The following SEMA6D variants were observed in gnomAD, a reference collection of about 807,000 sequenced individuals.
SEMA6D encodes the protein semaphorin 6D, also known as semaphorin-6D.
A neutral mutation model predicts 106.6 loss-of-function variants in SEMA6D; 35 were observed. The observed-to-expected ratio is 0.33, with a 90% CI of 0.25 to 0.44. The LOEUF is 0.44. SEMA6D is among the 20% of genes least tolerant of loss of function. The pLI is 1.00. For synonymous variants in SEMA6D, 499 were observed against 487.7 expected, an observed-to-expected ratio of 1.02 and a Z score of -0.31; for missense variants, 1,185 against 1,345.9, an observed-to-expected ratio of 0.88 and a Z score of 1.87.
chr15:47,493,546 C>A (rs56683038), intron 3 of SEMA6D, among the ~76,000 whole-genome samples: 3 of 151,938 alleles, frequency 2.0e-5, no homozygotes, highest in Non-Finnish European at 4.4e-5. Context: ...GACGGAGAAT[C>A]AGTCAGTACA....
intron 1 of SEMA6D, among the ~76,000 whole-genome samples, chr15:47,394,428 T>G (rs1473231057): frequency 6.6e-6 from 1 of 152,154 alleles, no homozygotes; most frequent in Non-Finnish European, 1.5e-5. Flanking sequence ...GCAGACAGAT[T>G]CTGAAGAGTG....
intron 1 of SEMA6D, among the ~76,000 whole-genome samples, chr15:47,296,903 G>A (rs928786140): frequency 1.3e-5 from 2 of 152,072 alleles, no homozygotes; most frequent in African/African-American, 4.8e-5. Context: ...GAAGCAAATG[G>A]AATTCTAAAC....
intron 1 of SEMA6D, among the ~76,000 whole-genome samples, chr15:47,314,669 T>G (rs7183717): frequency 0.99 from 144,884 of 146,554 alleles, 71,629 homozygotes; most frequent in Middle Eastern, 1. Flanking sequence ...AATCAGATAC[T>G]TCTTTTGCAA....
rs1024545266 is a variant in SEMA6D, at chr15:47,761,660, G to T, written c.448-1G>T. Reference sequence around the variant, plus strand: ...ACTGGCTATTTACTTTTCTTTTGTAGTTGAGTACCTTAGAATATGATGGGG... The same window carrying T: ...ACTGGCTATTTACTTTTCTTTTGTATTTGAGTACCTTAGAATATGATGGGG... On this transcript the variant is annotated splice_acceptor_variant, in intron 6 of 18. Coordinates refer to ENST00000536845, the MANE Select transcript of SEMA6D (RefSeq NM_001358351.3). LOFTEE classifies it high-confidence loss of function. 4 of 1,610,044 alleles carry T rather than the reference G, an allele frequency of 2.5e-6. No individual in the cohort carries two copies. Among genetic ancestry groups the T allele is most frequent in the Non-Finnish European group, 3.4e-6 (4 of 1,177,800 alleles).
At chr15:47,520,747 G>A (rs2044546853) in intron 3 of SEMA6D, among the ~76,000 whole-genome samples, 1 of 152,094 alleles carries the variant, frequency 6.6e-6, no homozygotes, top group Non-Finnish European at 1.5e-5. Context: ...TCAAATAATG[G>A]GGGATTACAA....
rs2082033785 is a variant in SEMA6D, at chr15:47,761,035, C to T, written c.279C>T (p.Asn93=). 2 of 1,613,340 alleles carry T rather than the reference C, an allele frequency of 1.2e-6. No individual in the cohort carries two copies. The highest frequency in any genetic ancestry group is 1.7e-6 in the Non-Finnish European group (2 of 1,179,558). Residue 93 remains asparagine (N), a synonymous_variant, in exon 4 of 19, where the codon AAC becomes AAT. Coordinates refer to ENST00000536845, the MANE Select transcript of SEMA6D (RefSeq NM_001358351.3). ...TGCCCAAAACAGAAGTAATACCCAACAAGGTGAGCAACTGTAGTTGGCAAA... is the reference window on the plus strand; with the variant it reads ...TGCCCAAAACAGAAGTAATACCCAATAAGGTGAGCAACTGTAGTTGGCAAA... ...NEMPKTEVIP[N]KKLTWRSRQQ... is the part of the protein sequence containing the mutation.
intron 1 of SEMA6D, among the ~76,000 whole-genome samples, chr15:47,410,783 C>T (rs1263341115): frequency 2.0e-5 from 3 of 152,140 alleles, no homozygotes; most frequent in African/African-American, 7.2e-5. Flanking sequence ...TATGCACACT[C>T]ACATTTGAAA....
At chr15:47,510,916 C>A (rs1285154391) in intron 3 of SEMA6D, among the ~76,000 whole-genome samples, 1 of 152,168 alleles carries the variant, frequency 6.6e-6, no homozygotes, top group Non-Finnish European at 1.5e-5. Context: ...TCCATAAATA[C>A]TTTATTTTTA....
In SEMA6D at chr15:47,771,914, T is replaced by C; in HGVS notation, c.*129T>C. On this transcript the variant is annotated 3_prime_UTR_variant, in exon 19 of 19. Coordinates refer to ENST00000536845, the MANE Select transcript of SEMA6D (RefSeq NM_001358351.3). Reference sequence around the variant, plus strand: ...GAACCAAGTGGCCAAAGAAACTCTTTCTAACTTTGGCAACATCAGAACTTG... The same window carrying C: ...GAACCAAGTGGCCAAAGAAACTCTTCCTAACTTTGGCAACATCAGAACTTG... The C allele has an allele frequency of 3.9e-6, 4 of 1,019,100 alleles. No homozygotes were observed. The highest frequency in any genetic ancestry group is 5.8e-6 in the Non-Finnish European group (4 of 693,856). The allele number at this position is 1,019,100 out of a possible 1,614,324, so 63.1% of individuals were successfully genotyped here. A position where few individuals can be genotyped will look rare whatever the true frequency, so the allele number is the denominator to read the frequency against.
rs1455868244 is a variant in SEMA6D at position 47,358,713 on chromosome 15, C to T, written c.-238-53680C>T. Among the ~76,000 whole-genome samples the T allele has an allele frequency of 3.9e-5, 6 of 152,336 alleles. No individual in the cohort carries two copies. The East Asian group carries it at 1.2e-3, about 29-fold the overall frequency. On this transcript the variant is annotated intron_variant, in intron 1 of 19. Coordinates refer to the SEMA6D transcript ENST00000558014. ...ATGGGGCTGTGTCAGCACCAGTGTGCATGGAGATCTGGACATCATCAGTGC... is the reference window on the plus strand; with the variant it reads ...ATGGGGCTGTGTCAGCACCAGTGTGTATGGAGATCTGGACATCATCAGTGC...
chr15:47,526,908 T>C (rs1018899233), intron 3 of SEMA6D, among the ~76,000 whole-genome samples: 1 of 152,096 alleles, frequency 6.6e-6, no homozygotes, highest in Non-Finnish European at 1.5e-5. Flanking sequence ...GGCTAATTTT[T>C]TTGTATTTTT....
intron 1 of SEMA6D, among the ~76,000 whole-genome samples, chr15:47,382,933 A>T (rs2145652951): frequency 3.5e-5 from 3 of 86,082 alleles, no homozygotes; most frequent in Middle Eastern, 0.013. Context: ...ACACCAGGCT[A>T]ATTTTTGTAT....
intron 1 of SEMA6D, among the ~76,000 whole-genome samples, chr15:47,257,520 G>T (rs1293353278): frequency 6.6e-6 from 1 of 152,122 alleles, no homozygotes; most frequent in East Asian, 1.9e-4. Flanking sequence ...AGTAATATGT[G>T]TATTTAATAG....
At position 47,590,335 on chromosome 15, in the gene SEMA6D, A is replaced by G. The variant is rs1306040582; in HGVS notation, c.-86-10530A>G. ...CATAGGTGGGAATTGAGCAATGAGA[A>G]CACTTAGACACAGGGCGGGGAACAT... is the stretch of plus-strand genomic sequence containing the variant. On this transcript the variant is annotated intron_variant, in intron 3 of 19. Transcript: ENST00000558014. Among the ~76,000 whole-genome samples the G allele has an allele frequency of 2.0e-5, 3 of 149,560 alleles. No individual in the cohort carries two copies. The East Asian group carries it at 6.0e-4, about 30-fold the overall frequency.
chr15:47,453,287 G>GA (rs200611689), intron 2 of SEMA6D, among the ~76,000 whole-genome samples: 92 of 139,288 alleles, frequency 6.6e-4, no homozygotes, highest in East Asian at 1.6e-3. Flanking sequence ...GTGCCCTTTC[G>GA]AAAAAAAAAA....
chr15:47,698,905 A>G (rs1360029833), intron 4 of SEMA6D, among the ~76,000 whole-genome samples: 2 of 152,304 alleles, frequency 1.3e-5, no homozygotes, highest in East Asian at 1.9e-4. Flanking sequence ...AGCCGCTGTC[A>G]TAACCTACCA....
At chr15:47,579,866 A>G (rs577937925) in intron 3 of SEMA6D, among the ~76,000 whole-genome samples, 42 of 152,082 alleles carry the variant, frequency 2.8e-4, no homozygotes, top group Non-Finnish European at 4.0e-4. Flanking sequence ...AATATTCCCT[A>G]TTTTGCCTGA....
chr15:47,645,730 A>G (rs2077570762), intron 4 of SEMA6D, among the ~76,000 whole-genome samples: 1 of 152,158 alleles, frequency 6.6e-6, no homozygotes, highest in Non-Finnish European at 1.5e-5. Context: ...CATGCCAATC[A>G]TAAGCCCCGG....
At chr15:47,424,385 T>G in intron 2 of SEMA6D, among the ~76,000 whole-genome samples, 1 of 152,062 alleles carries the variant, frequency 6.6e-6, no homozygotes, top group Non-Finnish European at 1.5e-5. Context: ...AAGAAAAAAT[T>G]AATTGTGCTT....
Sources: gnomAD v4.1 joint callset for allele counts (sites outside exome capture counted in the v4.1 genomes callset) on GRCh38, gnomAD v4.1.1 for gene constraint, MANE v1.5 for transcripts, NCBI Gene and HGNC (gene_info 2026-07-23, HGNC 2026-07-21) for gene names.